Variants in KPNA6 observed in about 807,000 individuals in gnomAD.
The protein encoded by KPNA6 is importin subunit alpha-7.
A neutral mutation model predicts 72.0 loss-of-function variants in KPNA6; 9 were observed. That is an observed-to-expected ratio of 0.13 (90% CI 0.08 to 0.22). KPNA6 has a LOEUF of 0.22. Among genes scored for constraint, KPNA6 ranks in the 10% least tolerant of loss-of-function variants. KPNA6 has a pLI of 1.00. For synonymous variants in KPNA6, 219 were observed against 242.1 expected (o/e 0.90, Z 0.89); for missense variants, 374 against 655.7 (o/e 0.57, Z 4.69).
intron 1 of KPNA6, among the ~76,000 whole-genome samples, chr1:32,136,943 C>T (rs932627185): frequency 6.6e-6 from 1 of 152,182 alleles, no homozygotes; most frequent in African/African-American, 2.4e-5. Flanking sequence ...TTCAGAAATA[C>T]GTTGCTTTCC....
intron 1 of KPNA6, among the ~76,000 whole-genome samples, chr1:32,135,767 C>T (rs1269365201): frequency 1.3e-5 from 2 of 151,340 alleles, no homozygotes; most frequent in Non-Finnish European, 2.9e-5. Flanking sequence ...CATGCCTGGC[C>T]ATAGAGTTAT....
At chr1:32,162,121 C>G in intron 8 of KPNA6, 75 bp downstream of exon 8, 1 of 1,168,844 alleles carries the variant, frequency 8.6e-7, no homozygotes, top group South Asian at 1.3e-5. Context: ...TTGGGATACT[C>G]CTTGGAGTCT....
intron 1 of KPNA6, among the ~76,000 whole-genome samples, chr1:32,131,361 G>C (rs1013486753): frequency 6.6e-6 from 1 of 151,242 alleles, no homozygotes; most frequent in African/African-American, 2.4e-5. Flanking sequence ...TAGATAAGAT[G>C]CCAAAGGCTG....
At chr1:32,136,158 A>C (rs1641731582) in intron 1 of KPNA6, among the ~76,000 whole-genome samples, 1 of 151,526 alleles carries the variant, frequency 6.6e-6, no homozygotes, top group African/African-American at 2.4e-5. Context: ...GCTGTATATA[A>C]AATCCACATT....
intron 1 of KPNA6, chr1:32,142,800 C>T (rs1013793543): frequency 9.9e-6 from 4 of 404,110 alleles, no homozygotes; most frequent in African/African-American, 8.4e-5. Flanking sequence ...TGCTGGATCC[C>T]TGAGATTCCA....
intron 1 of KPNA6, among the ~76,000 whole-genome samples, chr1:32,148,868 T>C (rs1295630767): frequency 1.3e-5 from 2 of 150,538 alleles, no homozygotes; most frequent in Non-Finnish European, 2.9e-5. Flanking sequence ...CCCTACTTTT[T>C]TTTCAATAGA....
intron 13 of KPNA6, 51 bp from the exon 14 acceptor site, chr1:32,170,656 G>C (rs530083839): frequency 2.0e-6 from 3 of 1,492,412 alleles, no homozygotes; most frequent in Non-Finnish European, 2.8e-6. Context: ...TGTTTCACCT[G>C]CCCATAGAAA....
At chr1:32,132,327 C>T (rs1430398322) in intron 1 of KPNA6, among the ~76,000 whole-genome samples, 1 of 152,122 alleles carries the variant, frequency 6.6e-6, no homozygotes, top group African/African-American at 2.4e-5. Flanking sequence ...GAGACAGTAT[C>T]TCACTCTGTT....
At chr1:32,111,791 A>C (rs970216631) in intron 1 of KPNA6, among the ~76,000 whole-genome samples, 2 of 152,150 alleles carry the variant, frequency 1.3e-5, no homozygotes, top group African/African-American at 4.8e-5. Flanking sequence ...CTACTATGCC[A>C]AACTTCATTA....
At chr1:32,155,694 C>CTGA (rs1642127019) in intron 2 of KPNA6, among the ~76,000 whole-genome samples, 2 of 150,142 alleles carry the variant, frequency 1.3e-5, no homozygotes, top group African/African-American at 4.9e-5. Context: ...ATTCAGTCAC[C>CTGA]TGATTATTAT....
intron 1 of KPNA6, among the ~76,000 whole-genome samples, chr1:32,138,383 A>C (rs1641777715): frequency 6.6e-6 from 1 of 151,860 alleles, no homozygotes; most frequent in Admixed American, 6.6e-5. Context: ...ATCTCTACTA[A>C]AAATACAAAA....
At chr1:32,162,310 G>A (rs749129523) in intron 8 of KPNA6, 51 bp from the exon 9 acceptor site, 1 of 1,507,306 alleles carries the variant, frequency 6.6e-7, no homozygotes, top group East Asian at 2.3e-5. Context: ...TCGTGATAGA[G>A]CTGATATAGT....
chr1:32,119,023 TATATATA>T (rs1469537826), intron 1 of KPNA6, among the ~76,000 whole-genome samples: 160 of 85,556 alleles, frequency 1.9e-3, no homozygotes, highest in Admixed American at 2.8e-3. Flanking sequence ...TATATATATA[TATATATA>T]TATTTTTTTT....
chr1:32,140,612 T>C (rs1229391083), intron 1 of KPNA6, among the ~76,000 whole-genome samples: 2 of 152,162 alleles, frequency 1.3e-5, no homozygotes, highest in African/African-American at 2.4e-5. Context: ...AAGCAGTTTA[T>C]AATGGAAACA....
chr1:32,164,510 CCA>C (rs1346532894), intron 10 of KPNA6, among the ~76,000 whole-genome samples: 2 of 151,966 alleles, frequency 1.3e-5, no homozygotes, highest in East Asian at 1.9e-4. Context: ...GCAGCATGTT[CCA>C]GTTTCCCCAC....
In KPNA6 at chr1:32,125,707, C is replaced by T. The variant is rs577541660; in HGVS notation, c.4+17573C>T. ...TGCCCTTTGGGTATGATATTGCCCC[C>T]GTTGAGAGTGTATGCCTTTTAAGAA... is the stretch of plus-strand genomic sequence containing the variant. On this transcript the variant is annotated intron_variant, in intron 1 of 13. Transcript: ENST00000373625. 5.3e-5 allele frequency among the ~76,000 whole-genome samples: 8 copies of T among 152,216 alleles called. No individual in the cohort carries two copies. In the South Asian group the frequency reaches 1.0e-3, roughly 20 times the overall value.
At chr1:32,140,777 A>G (rs948514540) in intron 1 of KPNA6, among the ~76,000 whole-genome samples, 2 of 152,200 alleles carry the variant, frequency 1.3e-5, no homozygotes, top group African/African-American at 2.4e-5. Flanking sequence ...TTTAGCTGGC[A>G]GAGTTACAAC....
intron 1 of KPNA6, among the ~76,000 whole-genome samples, chr1:32,131,980 A>T (rs898921649): frequency 2.0e-5 from 3 of 149,186 alleles, no homozygotes; most frequent in African/African-American, 7.4e-5. Context: ...TTTATTTTTT[A>T]TTTTTTTTGA....
In KPNA6 at chr1:32,109,456, GCCA is replaced by G. The variant is rs1641205119; in HGVS notation, c.4+1324_4+1326del. On this transcript the variant is annotated intron_variant, in intron 1 of 13. Transcript: ENST00000373625. ...CAAAGTGCTGGGATTACAGGTGTGA[GCCA>G]CTGCGTCCAGCCTGTTTTTTTGTTT... is the stretch of plus-strand genomic sequence containing the variant. Among the ~76,000 whole-genome samples, 5 of 152,042 alleles carry G rather than the reference GCCA, an allele frequency of 3.3e-5. No homozygotes were observed. In the South Asian group the frequency reaches 1.0e-3, roughly 32 times the overall value.
Sources: allele counts gnomAD v4.1 joint callset (sites outside exome capture counted in the v4.1 genomes callset), GRCh38; gene constraint gnomAD v4.1.1; transcripts MANE v1.5; gene names NCBI Gene and HGNC (gene_info 2026-07-23, HGNC 2026-07-21).